Variants in SIPA1L1 observed in about 807,000 individuals in gnomAD.
SIPA1L1 encodes the protein signal-induced proliferation-associated 1-like protein 1.
Under a neutral mutation model 162.7 loss-of-function variants are expected in SIPA1L1, and 26 were observed. The ratio of observed to expected loss-of-function variants is 0.16; its 90% CI spans 0.12 to 0.22. SIPA1L1 has a LOEUF of 0.22. Among genes scored for constraint, SIPA1L1 ranks in the 10% least tolerant of loss-of-function variants. The pLI is 1.00. For synonymous variants in SIPA1L1, 829 were observed against 837.4 expected (o/e 0.99, Z 0.17); for missense variants, 1,874 against 2,241.0 (o/e 0.84, Z 3.31).
At chr14:71,451,283 G>A (rs538911480) in intron 2 of SIPA1L1, among the ~76,000 whole-genome samples, 1 of 152,064 alleles carries the variant, frequency 6.6e-6, no homozygotes, top group Non-Finnish European at 1.5e-5. Context: ...GATAAAAAGG[G>A]TACAAATTTT....
intron 13 of SIPA1L1, among the ~76,000 whole-genome samples, chr14:71,693,885 C>T (rs1466057421): frequency 2.0e-5 from 3 of 152,162 alleles, no homozygotes; most frequent in Non-Finnish European, 2.9e-5. Context: ...TTGTCCATCA[C>T]TGCTGCTGTT....
chr14:71,528,984 C>T (rs939432411), intron 3 of SIPA1L1, among the ~76,000 whole-genome samples: 2 of 151,918 alleles, frequency 1.3e-5, no homozygotes, highest in African/African-American at 2.4e-5. Context: ...TGGTGGCACA[C>T]GCCTGTAATC....
intron 2 of SIPA1L1, among the ~76,000 whole-genome samples, chr14:71,507,004 A>G (rs900420932): frequency 6.6e-6 from 1 of 151,920 alleles, no homozygotes; most frequent in Non-Finnish European, 1.5e-5. Flanking sequence ...AGAGGTACCT[A>G]TTTTATATTG....
At chr14:71,498,191 C>A (rs1370719295) in intron 2 of SIPA1L1, among the ~76,000 whole-genome samples, 1 of 152,168 alleles carries the variant, frequency 6.6e-6, no homozygotes, top group East Asian at 1.9e-4. Context: ...TCTGAGAAAT[C>A]TTATTTTAGG....
At chr14:71,595,473 G>T (rs954812775) in intron 5 of SIPA1L1, among the ~76,000 whole-genome samples, 1 of 152,128 alleles carries the variant, frequency 6.6e-6, no homozygotes, top group African/African-American at 2.4e-5. Flanking sequence ...CAACTATACA[G>T]CTTTGATTAT....
intron 4 of SIPA1L1, among the ~76,000 whole-genome samples, chr14:71,571,515 T>C (rs552589689): frequency 8.5e-5 from 13 of 152,168 alleles, no homozygotes; most frequent in Non-Finnish European, 1.8e-4. Context: ...AAAACTGGAA[T>C]CAGACTATTT....
At chr14:71,443,666 A>G (rs1402855441) in intron 2 of SIPA1L1, among the ~76,000 whole-genome samples, 1 of 152,196 alleles carries the variant, frequency 6.6e-6, no homozygotes, top group East Asian at 1.9e-4. Flanking sequence ...AGCTTGTGTT[A>G]TGCTAAGCGG....
chr14:71,520,158 T>G lies in SIPA1L1; in HGVS notation c.-362+7313T>G, dbSNP rs116863225. ...AATGAAATGCCGTTAATTGAAAGCTTGATGAGGTACCAGATATTTATATAG... is the reference window on the plus strand; with the variant it reads ...AATGAAATGCCGTTAATTGAAAGCTGGATGAGGTACCAGATATTTATATAG... On this transcript the variant is annotated intron_variant, in intron 3 of 23. Coordinates refer to ENST00000381232, the MANE Select transcript of SIPA1L1 (RefSeq NM_001386936.1). 1.1e-3 allele frequency among the ~76,000 whole-genome samples: 175 copies of G among 152,316 alleles called. 1 individual carries two copies. The East Asian group carries it at 0.029, about 26-fold the overall frequency.
intron 10 of SIPA1L1, among the ~76,000 whole-genome samples, chr14:71,668,446 A>C (rs1439586942): frequency 1.3e-5 from 2 of 152,236 alleles, no homozygotes; most frequent in Admixed American, 1.3e-4. Context: ...CCGGAGGTTC[A>C]TGAAGATGTC....
In SIPA1L1 at chr14:71,587,785, A is replaced by G. The variant is rs559822833; in HGVS notation, c.-88A>G. On this transcript the variant is annotated 5_prime_UTR_variant, in exon 5 of 24. Transcript: ENST00000381232. The stretch of plus-strand genomic sequence containing the variant: ...CTCATGCAACTGTTGTATTTTCTGG[A>G]AGCCATTCTCCAAAAGGGAAGTGCA... The G allele has an allele frequency of 5.0e-6, 6 of 1,199,252 alleles. No individual in the cohort carries two copies. The African/African-American group carries it at 9.1e-5, about 18-fold the overall frequency. 74.3% of individuals were successfully genotyped at this position (1,199,252 alleles called of 1,614,324 possible). A position where few individuals can be genotyped will look rare whatever the true frequency, so the allele number is the denominator to read the frequency against.
At chr14:71,615,261 A>T (rs188197037) in intron 5 of SIPA1L1, among the ~76,000 whole-genome samples, 1 of 152,184 alleles carries the variant, frequency 6.6e-6, no homozygotes, top group South Asian at 2.1e-4. Context: ...TTGGTTTTCA[A>T]AATTTAAGAG....
chr14:71,500,492 A>G (rs974589278), intron 2 of SIPA1L1, among the ~76,000 whole-genome samples: 1 of 152,242 alleles, frequency 6.6e-6, no homozygotes, highest in African/African-American at 2.4e-5. Flanking sequence ...CTCCAAGTGT[A>G]GAGCAATTGG....
chr14:71,534,501 C>T (rs140963729), intron 4 of SIPA1L1, among the ~76,000 whole-genome samples: 71 of 152,214 alleles, frequency 4.7e-4, no homozygotes, highest in Admixed American at 9.2e-4. Flanking sequence ...ATATCTTATT[C>T]CATCTAGTAA....
intron 2 of SIPA1L1, among the ~76,000 whole-genome samples, chr14:71,353,415 C>T (rs150335790): frequency 6.6e-6 from 1 of 152,284 alleles, no homozygotes; most frequent in Non-Finnish European, 1.5e-5. Flanking sequence ...CCTAGAAGGA[C>T]ATGGCTAGTA....
chr14:71,529,251 A>G (rs1169144512), intron 3 of SIPA1L1, 61 bp from the exon 4 acceptor site: 4 of 555,372 alleles, frequency 7.2e-6, no homozygotes, highest in Non-Finnish European at 1.3e-5. Flanking sequence ...TTATACAGCT[A>G]TTGTATTTTA....
At chr14:71,483,755 C>T (rs1219148436) in intron 2 of SIPA1L1, among the ~76,000 whole-genome samples, 3 of 152,198 alleles carry the variant, frequency 2.0e-5, no homozygotes, top group African/African-American at 7.2e-5. Flanking sequence ...CCTCACAGCT[C>T]ACTGGAGAAA....
chr14:71,326,278 G>A (rs187499503), intron 2 of SIPA1L1, among the ~76,000 whole-genome samples: 29 of 149,992 alleles, frequency 1.9e-4, no homozygotes, highest in South Asian at 6.3e-4. Context: ...GCATGACCTC[G>A]GCTCACTACA....
intron 4 of SIPA1L1, among the ~76,000 whole-genome samples, chr14:71,561,856 G>A (rs1325166855): frequency 2.0e-5 from 3 of 152,184 alleles, no homozygotes; most frequent in Admixed American, 6.5e-5. Context: ...CAAAGTGCTG[G>A]GATTACTGGC....
At chr14:71,634,797 G>C in intron 7 of SIPA1L1, among the ~76,000 whole-genome samples, 1 of 151,718 alleles carries the variant, frequency 6.6e-6, no homozygotes, top group Non-Finnish European at 1.5e-5. Context: ...TTAGCCAGGC[G>C]TGGTGGCAGG....
Sources: gnomAD v4.1 joint callset for allele counts (sites outside exome capture counted in the v4.1 genomes callset) on GRCh38, gnomAD v4.1.1 for gene constraint, MANE v1.5 for transcripts, NCBI Gene and HGNC (gene_info 2026-07-23, HGNC 2026-07-21) for gene names.